The following OTUD7B variants were observed in gnomAD, a reference collection of about 807,000 sequenced individuals.
The protein encoded by OTUD7B is OTU domain-containing protein 7B.
OTUD7B carries 34 observed loss-of-function variants against 82.2 expected under a neutral mutation model. The observed-to-expected ratio is 0.41, with a 90% CI of 0.31 to 0.55. OTUD7B has a LOEUF of 0.55. Among genes scored for constraint, OTUD7B ranks in the 20% least tolerant of loss-of-function variants. The pLI is 0.20. For missense variants in OTUD7B, 944 were observed against 1,062.1 expected (o/e 0.89, Z 1.55); for synonymous variants, 398 against 402.7 (o/e 0.99, Z 0.14).
chr1:150,018,037 T>C, the OTUD7B span, among the ~76,000 whole-genome samples: 1 of 152,156 alleles, frequency 6.6e-6, no homozygotes, highest in East Asian at 1.9e-4. Flanking sequence ...CTGCAAAGCA[T>C]AGCAACAACC....
Position 149,967,514 on chromosome 1 carries a change from G to A in OTUD7B, c.282C>T (p.Arg94=). The change falls in exon 4 of 12, where the codon CGC becomes CGT. Residue 94 remains arginine, a synonymous_variant. Coordinates refer to ENST00000581312, the MANE Select transcript of OTUD7B (RefSeq NM_020205.4). The part of the protein sequence containing the change: ...QRQDDIVQEK[R]LSRGISHASS... ...TGGCGTGGGAGATGCCCCTAGACAG[G>A]CGTTTTTCTGCAATGAGAAATGGAG... 2 of 1,594,050 alleles carry A rather than the reference G, an allele frequency of 1.3e-6. No individual in the cohort carries two copies. Among genetic ancestry groups the A allele is most frequent in the East Asian group, 4.5e-5 (2 of 44,662 alleles).
At position 149,968,223 on chromosome 1, in the gene OTUD7B, C is replaced by T. The variant is rs150751192; in HGVS notation, c.275-702G>A. On this transcript the variant is annotated intron_variant, in intron 3 of 11. Coordinates refer to ENST00000581312, the MANE Select transcript of OTUD7B (RefSeq NM_020205.4). ...AGGCTGCAGTGAGCCAAGATTGTGCCACTGCACTCCTGCCTGACAACAGAG... is the reference window on the plus strand; with the variant it reads ...AGGCTGCAGTGAGCCAAGATTGTGCTACTGCACTCCTGCCTGACAACAGAG... Among the ~76,000 whole-genome samples the T allele has an allele frequency of 2.5e-3, 363 of 146,854 alleles. 2 individuals are homozygous for T. Among genetic ancestry groups the T allele is most frequent in the African/African-American group, 8.7e-3 (346 of 39,560 alleles).
Position 149,960,413 on chromosome 1 carries a change from T to TTTTTTTTTTTTTTTTTTTTTTTG in OTUD7B, c.733-618_733-617insCAAAAAAAAAAAAAAAAAAAAAA, listed in dbSNP as rs1366020859. Among the ~76,000 whole-genome samples, 3 of 72,566 alleles carry TTTTTTTTTTTTTTTTTTTTTTTG rather than the reference T, an allele frequency of 4.1e-5. 1 individual carries two copies. Among genetic ancestry groups the TTTTTTTTTTTTTTTTTTTTTTTG allele is most frequent in the Non-Finnish European group, 7.3e-5 (3 of 40,934 alleles). The allele number at this position is 72,566 out of a possible 152,430, so 47.6% of individuals were successfully genotyped here. On this transcript the variant is annotated intron_variant, in intron 6 of 11. Transcript: ENST00000581312. ...CCTTTTTTTCTTTTTTTTTTTTTTG[T>TTTTTTTTTTTTTTTTTTTTTTTG]AGACAGAGTCACCCAGGCTGGAGTG...
the OTUD7B span, among the ~76,000 whole-genome samples, chr1:150,026,004 A>G: frequency 6.6e-6 from 1 of 152,230 alleles, no homozygotes; most frequent in African/African-American, 2.4e-5. Context: ...GCACTTGGCG[A>G]ACAGGACAAG....
At chr1:149,998,310 C>G (rs1553783831) in intron 1 of OTUD7B, among the ~76,000 whole-genome samples, 2 of 152,148 alleles carry the variant, frequency 1.3e-5, no homozygotes, top group Non-Finnish European at 2.9e-5. Flanking sequence ...AATACTAATT[C>G]ATACAATACA....
At chr1:150,040,507 T>G in the OTUD7B span, among the ~76,000 whole-genome samples, 5 of 152,220 alleles carry the variant, frequency 3.3e-5, no homozygotes, top group Non-Finnish European at 7.3e-5. Context: ...ATATTTACAT[T>G]TATAAATGAG....
At chr1:150,026,604 CTT>C in the OTUD7B span, among the ~76,000 whole-genome samples, 1 of 152,118 alleles carries the variant, frequency 6.6e-6, no homozygotes, top group Non-Finnish European at 1.5e-5. Flanking sequence ...TATGAGAGCC[CTT>C]TCCTGGGATT....
At chr1:149,978,558 GGGACC>G in intron 1 of OTUD7B, among the ~76,000 whole-genome samples, 1 of 152,192 alleles carries the variant, frequency 6.6e-6, no homozygotes, top group Non-Finnish European at 1.5e-5. Context: ...AAGCAGAGTG[GGGACC>G]CAAAAGGTTC....
Position 149,944,198 on chromosome 1 carries a change from G to A in OTUD7B, c.2191C>T (p.Pro731Ser), listed in dbSNP as rs782395622. The change falls in exon 12 of 12, where the codon CCC becomes TCC. Residue 731 changes from proline to serine, a missense_variant. Transcript: ENST00000581312. ...VGGLPPYATF[P>S]RQCPPGRPYP... is the part of the protein sequence containing the mutation. ...GGTCGCCCAGGAGGGCACTGTCTGG[G>A]GAAGGTGGCATATGGTGGTAGGCCC... 6.2e-7 allele frequency: 1 copy of A among 1,613,674 alleles called. No individual in the cohort carries two copies. The highest frequency in any genetic ancestry group is 1.1e-5 in the South Asian group (1 of 91,082).
the OTUD7B span, among the ~76,000 whole-genome samples, chr1:150,046,621 T>TTG: frequency 6.7e-6 from 1 of 149,866 alleles, no homozygotes; most frequent in East Asian, 2.0e-4. Context: ...CTAATTTTTT[T>TTG]TTTTTTTTTA....
chr1:150,038,145 C>T, the OTUD7B span, among the ~76,000 whole-genome samples: 3 of 152,060 alleles, frequency 2.0e-5, no homozygotes, highest in African/African-American at 7.2e-5. Context: ...AGGCGTGAAC[C>T]ACTGGGCCCA....
At chr1:150,054,400 C>A in the OTUD7B span, 1 of 540,318 alleles carries the variant, frequency 1.9e-6, no homozygotes, top group South Asian at 1.4e-5. Flanking sequence ...GACCTCTGGT[C>A]CTCAATCAAG....
At chr1:150,056,303 A>G in the OTUD7B span, among the ~76,000 whole-genome samples, 1 of 152,152 alleles carries the variant, frequency 6.6e-6, no homozygotes, top group South Asian at 2.1e-4. Flanking sequence ...GATCTTTTTT[A>G]AGGAATAAAA....
At chr1:150,022,518 T>A in the OTUD7B span, among the ~76,000 whole-genome samples, 1 of 151,282 alleles carries the variant, frequency 6.6e-6, no homozygotes, top group African/African-American at 2.4e-5. Context: ...CGTAACCACA[T>A]GTGATCACAT....
At chr1:149,997,259 G>A (rs914877077) in intron 1 of OTUD7B, among the ~76,000 whole-genome samples, 5 of 152,078 alleles carry the variant, frequency 3.3e-5, no homozygotes, top group Non-Finnish European at 7.4e-5. Flanking sequence ...AAATATGCCT[G>A]ACTATGTATT....
chr1:150,007,333 C>A (rs185174472), intron 1 of OTUD7B, among the ~76,000 whole-genome samples: 150 of 152,326 alleles, frequency 9.8e-4, no homozygotes, highest in African/African-American at 3.4e-3. Context: ...ATAGCCCATA[C>A]CTCTTTATGA....
intron 5 of OTUD7B, among the ~76,000 whole-genome samples, chr1:149,964,604 G>GT (rs147344496): frequency 1.3e-5 from 2 of 151,736 alleles, no homozygotes; most frequent in African/African-American, 4.8e-5. Flanking sequence ...TTTTTGGTTG[G>GT]TTTTTTTGAG....
At chr1:149,958,619 T>C (rs1036787496) in intron 7 of OTUD7B, among the ~76,000 whole-genome samples, 1 of 152,142 alleles carries the variant, frequency 6.6e-6, no homozygotes, top group African/African-American at 2.4e-5. Context: ...TGGCCAGGAC[T>C]ACCTTTTTAA....
At chr1:149,962,267 C>T (rs587726666) in intron 6 of OTUD7B, 71 of 152,262 alleles carry the variant, frequency 4.7e-4, no homozygotes, top group African/African-American at 1.7e-3. Context: ...GAAACTATTA[C>T]TGAGCCTCAC....
Sources: gnomAD v4.1 joint callset for allele counts (sites outside exome capture counted in the v4.1 genomes callset) on GRCh38, gnomAD v4.1.1 for gene constraint, MANE v1.5 for transcripts, NCBI Gene and HGNC (gene_info 2026-07-23, HGNC 2026-07-21) for gene names.